VPS52: variants seen among roughly 807,000 people sequenced by gnomAD.
VPS52 encodes VPS52 subunit of GARP complex.
In VPS52, 56 loss-of-function variants were observed where a neutral mutation model predicts 98.7. The observed-to-expected ratio is 0.57, with a 90% CI of 0.46 to 0.71. VPS52 has a LOEUF of 0.71. Among genes scored for constraint, VPS52 ranks in the 30% least tolerant of loss-of-function variants. The pLI is 0.00. For synonymous variants in VPS52, 348 were observed against 346.4 expected (o/e 1.00, Z -0.05); for missense variants, 742 against 925.9 (o/e 0.80, Z 2.58).
chr6:33,252,588 C>CAA (rs9280379), intron 17 of VPS52, among the ~76,000 whole-genome samples: 19 of 96,092 alleles, frequency 2.0e-4, no homozygotes, highest in South Asian at 3.2e-4. Flanking sequence ...GACTCCGTCT[C>CAA]AAAAAAAAAA....
In VPS52 at chr6:33,267,209, T is replaced by G; in HGVS notation, c.1104A>C (p.Thr368=). 6.4e-7 allele frequency: 1 copy of G among 1,573,602 alleles called. No homozygotes were observed. Among genetic ancestry groups the G allele is most frequent in the Non-Finnish European group, 8.6e-7 (1 of 1,161,792 alleles). ...ELEAPILVPH[T]AQRGEQRYPF... ...ATACCCTCTGCTCTCCGCGCTGCGC[T>G]GTGTGAGGCACCAGGATGGGGGCCT... The change falls in exon 11 of 20, where the codon ACA becomes ACC. Residue 368 remains threonine, a synonymous_variant. Transcript: ENST00000445902. This position sits in a 1 kb window ranked among gnomAD's most constrained non-coding sequence, Gnocchi z 4.2.
intron 17 of VPS52, among the ~76,000 whole-genome samples, chr6:33,259,516 C>T (rs1763389128): frequency 6.6e-6 from 1 of 152,012 alleles, no homozygotes; most frequent in African/African-American, 2.4e-5. Flanking sequence ...CAGAAAATTA[C>T]AAATAAAACC....
intron 1 of VPS52, 129 bp downstream of exon 1, chr6:33,271,457 T>C: frequency 7.4e-7 from 1 of 1,351,098 alleles, no homozygotes; most frequent in Non-Finnish European, 1.0e-6. Context: ...CAGGGAAGGG[T>C]ACGGGGAGCC....
At chr6:33,257,344 C>A (rs1218645993) in intron 17 of VPS52, among the ~76,000 whole-genome samples, 2 of 152,052 alleles carry the variant, frequency 1.3e-5, no homozygotes, top group African/African-American at 4.8e-5. Flanking sequence ...CAAAATTCTA[C>A]AATATTAAGA....
At chr6:33,262,829 G>T (rs191081707) in intron 17 of VPS52, among the ~76,000 whole-genome samples, 1 of 152,172 alleles carries the variant, frequency 6.6e-6, no homozygotes. Flanking sequence ...CAAAACAATT[G>T]AACTCATGTA....
intron 17 of VPS52, among the ~76,000 whole-genome samples, chr6:33,261,787 T>C (rs1016390474): frequency 1.3e-5 from 2 of 151,758 alleles, no homozygotes; most frequent in African/African-American, 4.8e-5. Context: ...ACGCCTGTAA[T>C]CCCAGCACTT....
At chr6:33,259,515 A>G (rs1281692455) in intron 17 of VPS52, among the ~76,000 whole-genome samples, 1 of 152,204 alleles carries the variant, frequency 6.6e-6, no homozygotes, top group East Asian at 1.9e-4. Flanking sequence ...TCAGAAAATT[A>G]CAAATAAAAC....
chr6:33,269,029 G>C lies in VPS52; in HGVS notation c.533C>G (p.Pro178Arg). The C allele has an allele frequency of 6.2e-7, 1 of 1,612,388 alleles. No individual in the cohort carries two copies. The highest frequency in any genetic ancestry group is 1.1e-5 in the South Asian group (1 of 91,042). ...LGELVDGLVV[P>R]SALVTAILEA... ...GGTAACTCACGTGACCAGAGCAGAA[G>C]GCACCACCAGACCATCAACAAGCTC... The change falls in exon 6 of 20, where the codon CCT becomes CGT. Residue 178 changes from proline (P) to arginine (R), a missense_variant. Physicochemically the swap from Pro to Arg is moderately radical, Grantham distance 103. Around this residue, in one of 2 missense-constraint regions of VPS52, gnomAD observed 590 missense variants for 793.3 expected, o/e 0.74. Coordinates refer to ENST00000445902, the MANE Select transcript of VPS52 (RefSeq NM_022553.6).
chr6:33,251,302 A>G (rs1471565290), intron 19 of VPS52, among the ~76,000 whole-genome samples: 1 of 152,002 alleles, frequency 6.6e-6, no homozygotes. Context: ...AGACTGTGCC[A>G]CTGCACTCCA....
rs748038368 is a variant in VPS52 at position 33,271,520 on chromosome 6, C to T, written c.90+66G>A. ...AAGTTCCCACCCTTGTGCCTAAACC[C>T]AGCTCAGGTCTTTCTGAAGCTAGGA... On this transcript the variant is annotated intron_variant, in intron 1 of 19. Transcript: ENST00000445902. The T allele has an allele frequency of 1.8e-5, 28 of 1,551,912 alleles. No homozygotes were observed. The African/African-American group carries it at 2.6e-4, about 14-fold the overall frequency.
Position 33,268,269 on chromosome 6 carries a change from A to G in VPS52, c.700-61T>C, listed in dbSNP as rs1764585440. The G allele has an allele frequency of 6.5e-7, 1 of 1,548,850 alleles. No homozygotes were observed. Among genetic ancestry groups the G allele is most frequent in the African/African-American group, 1.4e-5 (1 of 73,612 alleles). On this transcript the variant is annotated intron_variant, in intron 7 of 19. Transcript: ENST00000445902. The surrounding 1 kb of genome is among the most constrained non-coding windows in gnomAD (Gnocchi z 4.0). ...GCAACCCTTTTGCTGTATGAGAGGAACTGGGGGAAGCAACAAATGGTAAAC... is the reference window on the plus strand; with the variant it reads ...GCAACCCTTTTGCTGTATGAGAGGAGCTGGGGGAAGCAACAAATGGTAAAC...
At chr6:33,264,994 G>T in intron 12 of VPS52, 94 bp from the exon 13 acceptor site, 1 of 1,071,652 alleles carries the variant, frequency 9.3e-7, no homozygotes, top group Non-Finnish European at 1.4e-6. Context: ...CTTTGGGGAT[G>T]ATGCACTGGA....
chr6:33,262,637 TGA>T (rs1408858456), intron 17 of VPS52, among the ~76,000 whole-genome samples: 3 of 152,138 alleles, frequency 2.0e-5, no homozygotes, highest in Non-Finnish European at 2.9e-5. Flanking sequence ...CATCAACAGA[TGA>T]ATGGGTAAAG....
intron 17 of VPS52, among the ~76,000 whole-genome samples, chr6:33,262,594 C>A (rs1763761913): frequency 6.6e-6 from 1 of 152,100 alleles, no homozygotes; most frequent in African/African-American, 2.4e-5. Flanking sequence ...GTATTGTTCA[C>A]AATAGCTAAG....
Position 33,270,275 on chromosome 6 carries a change from ACC to A in VPS52, c.97_98del (p.Gly33SerfsTer17). On this transcript the variant is annotated frameshift_variant, in exon 2 of 20. Transcript: ENST00000445902. LOFTEE classifies it high-confidence loss of function. Reference protein sequence around the residue: ...MEEEEGPLAGGPGLQEPLQLG... With the variant: ...MEEEEGPLAGXPGLQEPLQLG... ...GTTGCAGTGGTTCCTGGAGCCCAGGACCACCCGCCTGGAAAGGGATAAGTTAA... is the reference window on the plus strand; with the variant it reads ...GTTGCAGTGGTTCCTGGAGCCCAGGAACCCGCCTGGAAAGGGATAAGTTAA... 6.2e-7 allele frequency: 1 copy of A among 1,611,616 alleles called. No individual in the cohort carries two copies. The highest frequency in any genetic ancestry group is 8.5e-7 in the Non-Finnish European group (1 of 1,177,924).
Position 33,267,612 on chromosome 6 carries a change from A to G in VPS52, c.991+70T>C. On this transcript the variant is annotated intron_variant, in intron 10 of 19. Transcript: ENST00000445902. This position sits in a 1 kb window ranked among gnomAD's most constrained non-coding sequence, Gnocchi z 4.2. The stretch of plus-strand genomic sequence containing the variant: ...CATAGGAAAAGGTAAGGAGCAGTGC[A>G]TTGGTGGCTGGAGTCGAAAGTCCTC... 3.2e-6 allele frequency: 5 copies of G among 1,565,060 alleles called. No homozygotes were observed. The South Asian group carries it at 5.6e-5, about 17-fold the overall frequency.
At chr6:33,263,384 TACACACACAC>T (rs878982754) in intron 17 of VPS52, 90 bp downstream of exon 17, 15 of 574,450 alleles carry the variant, frequency 2.6e-5, no homozygotes, top group East Asian at 4.1e-5. Context: ...TGCCACTCCC[TACACACACAC>T]ACACACACAC....
intron 3 of VPS52, 54 bp from the exon 4 acceptor site, chr6:33,269,873 G>A (rs1764796883): frequency 6.3e-7 from 1 of 1,595,048 alleles, no homozygotes. Flanking sequence ...AAGGGACACT[G>A]TAACAGAATC....
At chr6:33,259,032 T>C (rs763076566) in intron 17 of VPS52, among the ~76,000 whole-genome samples, 1 of 152,186 alleles carries the variant, frequency 6.6e-6, no homozygotes, top group Non-Finnish European at 1.5e-5. Flanking sequence ...GACACACAGA[T>C]ACTCTGCTTT....
Sources: gnomAD v4.1 joint callset for allele counts (sites outside exome capture counted in the v4.1 genomes callset) on GRCh38, gnomAD v4.1.1 for gene constraint, gnomAD v4.1.1 regional missense constraint, Gnocchi (gnomAD v3.1) non-coding constraint, MANE v1.5 for transcripts, NCBI Gene and HGNC (gene_info 2026-07-23, HGNC 2026-07-21) for gene names.